The following VGLL3 variants were observed in gnomAD, a reference collection of about 807,000 sequenced individuals.
VGLL3 encodes the protein vestigial like family member 3, also known as transcription cofactor vestigial-like protein 3.
VGLL3 carries 18 observed loss-of-function variants against 29.2 expected under a neutral mutation model. The observed-to-expected ratio is 0.62, with a 90% CI of 0.43 to 0.91. VGLL3 has a LOEUF of 0.91. VGLL3 is among the 40% of genes least tolerant of loss of function. The pLI is 0.00. For missense variants in VGLL3, 440 were observed against 413.2 expected (o/e 1.06, Z -0.56); for synonymous variants, 180 against 151.8 (o/e 1.19, Z -1.36).
intron 2 of VGLL3, among the ~76,000 whole-genome samples, chr3:86,970,733 G>T (rs1023958928): frequency 6.6e-6 from 1 of 152,124 alleles, no homozygotes; most frequent in Non-Finnish European, 1.5e-5. Flanking sequence ...TTTGTGGAAA[G>T]ATCAGTGCCT....
chr3:86,950,977 C>G (rs1205953881), intron 3 of VGLL3, among the ~76,000 whole-genome samples: 1 of 152,064 alleles, frequency 6.6e-6, no homozygotes, highest in Non-Finnish European at 1.5e-5. Context: ...AACTGAGAGT[C>G]CTTAGACCCA....
At chr3:86,962,701 T>C in intron 3 of VGLL3, 11 of 804,486 alleles carry the variant, frequency 1.4e-5, no homozygotes, top group Non-Finnish European at 1.7e-5. Flanking sequence ...TCCAAGAGAA[T>C]TAAACACACA....
At chr3:86,959,693 A>G (rs1459854720) in intron 3 of VGLL3, among the ~76,000 whole-genome samples, 1 of 152,126 alleles carries the variant, frequency 6.6e-6, no homozygotes, top group Non-Finnish European at 1.5e-5. Context: ...TTGTAAATGT[A>G]ACTGGGTATT....
At chr3:86,974,206 C>T (rs930123878) in intron 2 of VGLL3, among the ~76,000 whole-genome samples, 1 of 151,882 alleles carries the variant, frequency 6.6e-6, no homozygotes, top group African/African-American at 2.4e-5. Flanking sequence ...CAACCTCCAC[C>T]TCCCGGGTTC....
At chr3:86,963,231 C>A (rs777798878) in intron 3 of VGLL3, among the ~76,000 whole-genome samples, 35 of 152,146 alleles carry the variant, frequency 2.3e-4, no homozygotes, top group Admixed American at 1.0e-3. Flanking sequence ...GTGGTATTAT[C>A]CACCCAATGA....
At chr3:86,960,932 G>GGTATATATATAT (rs1457503323) in intron 3 of VGLL3, among the ~76,000 whole-genome samples, 6 of 137,950 alleles carry the variant, frequency 4.3e-5, no homozygotes, top group African/African-American at 1.4e-4. Context: ...AAGTAATTGT[G>GGTATATATATAT]ATATATATAT....
rs577048693 is a variant in VGLL3 at position 86,978,157 on chromosome 3, T to C, written c.403+369A>G. 1.4e-4 allele frequency among the ~76,000 whole-genome samples: 22 copies of C among 152,308 alleles called. No homozygotes were observed. In the South Asian group the frequency reaches 4.6e-3, roughly 32 times the overall value. On this transcript the variant is annotated intron_variant, in intron 2 of 3. Coordinates refer to ENST00000398399, the MANE Select transcript of VGLL3 (RefSeq NM_016206.4). ...TGGTATGTCACCACATAGCACCTATTGGAATGAGCAAGAGCTAATTTTTTA... is the reference window on the plus strand; with the variant it reads ...TGGTATGTCACCACATAGCACCTATCGGAATGAGCAAGAGCTAATTTTTTA...
intron 1 of VGLL3, among the ~76,000 whole-genome samples, chr3:86,985,718 T>A (rs1443440661): frequency 6.6e-6 from 1 of 152,198 alleles, no homozygotes; most frequent in African/African-American, 2.4e-5. Flanking sequence ...AAGTTTTGCT[T>A]TCACTGTCCC....
chr3:86,947,865 T>C (rs1487233380), intron 3 of VGLL3, among the ~76,000 whole-genome samples: 2 of 152,080 alleles, frequency 1.3e-5, no homozygotes, highest in African/African-American at 2.4e-5. Flanking sequence ...TTTATCTGTG[T>C]CTAATACAGT....
intron 1 of VGLL3, among the ~76,000 whole-genome samples, chr3:86,980,813 G>A (rs935902499): frequency 1.3e-5 from 2 of 151,110 alleles, no homozygotes; most frequent in East Asian, 1.9e-4. Flanking sequence ...CTGAATATTC[G>A]GGCACATTAG....
Position 86,944,571 on chromosome 3 carries a change from A to T in VGLL3, c.*2453T>A, listed in dbSNP as rs554214239. On this transcript the variant is annotated 3_prime_UTR_variant, in exon 4 of 4. Coordinates refer to ENST00000398399, the MANE Select transcript of VGLL3 (RefSeq NM_016206.4). ...CAGCCTGGGTCCTGTTTTCAAAGAG[A>T]GAGCTCACTTACAAATCTTTCCTGT... 6.6e-6 allele frequency: 1 copy of T among 152,376 alleles called. No homozygotes were observed. The highest frequency in any genetic ancestry group is 1.9e-4 in the East Asian group (1 of 5,178). The allele number at this position is 152,376 out of a possible 1,614,324, so 9.4% of individuals were successfully genotyped here.
In VGLL3 at chr3:86,942,436, G is replaced by A. The variant is rs1446722884; in HGVS notation, c.*4588C>T. On this transcript the variant is annotated 3_prime_UTR_variant, in exon 4 of 4. Coordinates refer to ENST00000398399, the MANE Select transcript of VGLL3 (RefSeq NM_016206.4). ...TAGAGTAAATCTGCTGACTGAGATC[G>A]TAAATGGTTGTGTTTTTCCCCCTTT... The A allele has an allele frequency of 2.6e-5, 3 of 113,598 alleles. No individual in the cohort carries two copies. The highest frequency in any genetic ancestry group is 8.2e-5 in the Admixed American group (1 of 12,188). The allele number at this position is 113,598 out of a possible 1,614,324, so 7.0% of individuals were successfully genotyped here.
At chr3:86,957,016 A>AT (rs952986029) in intron 3 of VGLL3, among the ~76,000 whole-genome samples, 13 of 151,730 alleles carry the variant, frequency 8.6e-5, no homozygotes, top group Admixed American at 3.9e-4. Flanking sequence ...TGTACTTAAA[A>AT]TTTTTTTTGT....
In VGLL3 at chr3:86,943,506, G is replaced by A. The variant is rs1191727112; in HGVS notation, c.*3518C>T. ...CTTTCATGTCAGTGCTTAGAATTTGGGTTTTTTTTTTAAAGTCTTATAAAG... is the reference window on the plus strand; with the variant it reads ...CTTTCATGTCAGTGCTTAGAATTTGAGTTTTTTTTTTAAAGTCTTATAAAG... On this transcript the variant is annotated 3_prime_UTR_variant, in exon 4 of 4. Coordinates refer to ENST00000398399, the MANE Select transcript of VGLL3 (RefSeq NM_016206.4). 2 of 151,744 alleles carry A rather than the reference G, an allele frequency of 1.3e-5. No homozygotes were observed. Among genetic ancestry groups the A allele is most frequent in the African/African-American group, 4.8e-5 (2 of 41,302 alleles). 9.4% of individuals were successfully genotyped at this position (151,744 alleles called of 1,614,324 possible).
chr3:86,962,865 G>GAAGCCAGCCTTCACTATTCAAAATAGGT (rs1704883049), intron 3 of VGLL3: 1 of 164,196 alleles, frequency 6.1e-6, no homozygotes, highest in Non-Finnish European at 1.3e-5. Flanking sequence ...TCAAAATAGG[G>GAAGCCAGCCTTCACTATTCAAAATAGGT]AAGCCAGCCT....
intron 1 of VGLL3, among the ~76,000 whole-genome samples, chr3:86,979,928 T>C (rs1336143218): frequency 6.6e-6 from 1 of 152,190 alleles, no homozygotes; most frequent in Non-Finnish European, 1.5e-5. Flanking sequence ...AATACGTTTA[T>C]AGTTAATTGT....
intron 3 of VGLL3, among the ~76,000 whole-genome samples, chr3:86,950,177 C>T (rs1355600623): frequency 2.6e-5 from 4 of 152,140 alleles, no homozygotes; most frequent in Admixed American, 6.5e-5. Context: ...ATCACATCTG[C>T]TTGCCTTCTT....
intron 2 of VGLL3, 118 bp downstream of exon 2, chr3:86,978,408 A>T: frequency 2.5e-6 from 3 of 1,187,162 alleles, no homozygotes; most frequent in Non-Finnish European, 2.4e-6. Flanking sequence ...CACTGTCCTT[A>T]AATATTAAAA....
intron 2 of VGLL3, among the ~76,000 whole-genome samples, chr3:86,972,305 T>G (rs1705118144): frequency 6.6e-6 from 1 of 152,128 alleles, no homozygotes. Context: ...AAAATAAAAT[T>G]AAAAGGAACT....
Sources: gnomAD v4.1 joint callset for allele counts (sites outside exome capture counted in the v4.1 genomes callset) on GRCh38, gnomAD v4.1.1 for gene constraint, MANE v1.5 for transcripts, NCBI Gene and HGNC (gene_info 2026-07-23, HGNC 2026-07-21) for gene names.